BPTF: variants seen among roughly 807,000 people sequenced by gnomAD.
BPTF encodes bromodomain PHD finger transcription factor.
In BPTF, 18 loss-of-function variants were observed where a neutral mutation model predicts 292.5. The observed-to-expected ratio is 0.06, with a 90% CI of 0.04 to 0.09. The LOEUF is 0.09. Among genes scored for constraint, BPTF ranks in the 10% least tolerant of loss-of-function variants. The pLI, the probability that BPTF is intolerant of heterozygous loss-of-function variation, is 1.00. For missense variants in BPTF, 2,726 were observed against 3,498.7 expected (o/e 0.78, Z 5.57); for synonymous variants, 1,225 against 1,251.9 (o/e 0.98, Z 0.45).
Position 67,912,327 on chromosome 17 carries a change from C to G in BPTF, c.4443C>G (p.Ser1481=). The G allele has an allele frequency of 1.9e-6, 3 of 1,613,682 alleles. No homozygotes were observed. The highest frequency in any genetic ancestry group is 2.5e-6 in the Non-Finnish European group (3 of 1,179,844). The change falls in exon 11 of 28, where the codon TCC becomes TCG. Residue 1481 remains serine, a synonymous_variant. Transcript: ENST00000306378. ...IMEDFNERNS[S]ETKSHLLSSS... is the part of the protein sequence containing the mutation. ...AAGATTTTAATGAAAGAAACAGCTC[C>G]GAAACAAAATCGCATTTGCTGAGTT...
chr17:67,918,050 CG>C, intron 11 of BPTF, among the ~76,000 whole-genome samples: 1 of 152,002 alleles, frequency 6.6e-6, no homozygotes, highest in South Asian at 2.1e-4. Flanking sequence ...CTGCCCACCT[CG>C]GCCTCCCAAA....
intron 26 of BPTF, 61 bp from the exon 27 acceptor site, chr17:67,975,711 G>A: frequency 6.9e-7 from 1 of 1,455,330 alleles, no homozygotes; most frequent in African/African-American, 1.4e-5. Flanking sequence ...GAACTTCGGA[G>A]AATATTCACA....
In BPTF at chr17:67,893,481, C is replaced by T. The variant is rs2061257937; in HGVS notation, c.2167C>T (p.Arg723Cys). ...TAAATTGGGTCAAGAAGGGAAGTATCGCGTCTACCACAATCAATACTCCAC... is the reference window on the plus strand; with the variant it reads ...TAAATTGGGTCAAGAAGGGAAGTATTGCGTCTACCACAATCAATACTCCAC... ...YFKLGQEGKY[R>C]VYHNQYSTNS... The change falls in exon 6 of 28, where the codon CGC (arginine) becomes TGC (cysteine). Residue 723 changes from arginine to cysteine, a missense_variant. Physicochemically the swap from Arg to Cys is radical, Grantham distance 180. Around this residue, in one of 22 missense-constraint regions of BPTF, gnomAD observed 63 missense variants for 84.1 expected, o/e 0.75. Coordinates refer to ENST00000306378, the MANE Select transcript of BPTF (RefSeq NM_182641.4). The T allele has an allele frequency of 2.5e-6, 4 of 1,613,864 alleles. No homozygotes were observed. Among genetic ancestry groups the T allele is most frequent in the African/African-American group, 2.7e-5 (2 of 74,900 alleles).
chr17:67,923,625 G>T (rs1220715992), intron 14 of BPTF, among the ~76,000 whole-genome samples: 1 of 150,682 alleles, frequency 6.6e-6, no homozygotes, highest in South Asian at 2.1e-4. Context: ...GATTACGGGG[G>T]TGTGCCACCA....
chr17:67,980,979 G>A (rs1215048058), intron 27 of BPTF, among the ~76,000 whole-genome samples: 3 of 152,156 alleles, frequency 2.0e-5, no homozygotes, highest in Admixed American at 6.5e-5. Flanking sequence ...GCAACATGGG[G>A]AAACCCCATC....
chr17:67,924,374 C>G (rs1035057480), intron 14 of BPTF, among the ~76,000 whole-genome samples, 173 bp from the exon 15 acceptor site: 2 of 152,210 alleles, frequency 1.3e-5, no homozygotes, highest in African/African-American at 4.8e-5. Flanking sequence ...CTTGGCCTCC[C>G]ACAGTGCTGG....
intron 3 of BPTF, among the ~76,000 whole-genome samples, chr17:67,872,579 G>A (rs781768846): frequency 6.6e-5 from 10 of 151,956 alleles, no homozygotes; most frequent in Non-Finnish European, 1.3e-4. Flanking sequence ...GGTGGTATGC[G>A]CCTATAGTCT....
At position 67,975,966 on chromosome 17, in the gene BPTF, G is replaced by C; in HGVS notation, c.8726+8G>C. On this transcript the variant is annotated splice_region_variant and intron_variant, in intron 27 of 27. Coordinates refer to ENST00000306378, the MANE Select transcript of BPTF (RefSeq NM_182641.4). ...AGGCTTCAAAGCTAGCAGGTGAGCA[G>C]ATGGGTTCGGTATTCTGAATTAATT... 1 of 1,604,642 alleles carries C rather than the reference G, an allele frequency of 6.2e-7. No individual in the cohort carries two copies. The highest frequency in any genetic ancestry group is 8.5e-7 in the Non-Finnish European group (1 of 1,175,634).
chr17:67,932,648 C>T (rs547517258), intron 18 of BPTF, among the ~76,000 whole-genome samples: 2 of 152,228 alleles, frequency 1.3e-5, no homozygotes, highest in Middle Eastern at 6.8e-3. Context: ...TTGCAGTGAG[C>T]CAAGATCATG....
In BPTF at chr17:67,964,410, A is replaced by AC; in HGVS notation, c.8454+10dup. On this transcript the variant is annotated splice_region_variant and intron_variant, in intron 25 of 27. Transcript: ENST00000306378. ...GGGTGCTCCGTTCCTTACAGGTGAG[A>AC]CCCCTCTGTGTGCAGCATTTCAAAA... The AC allele has an allele frequency of 6.2e-7, 1 of 1,602,114 alleles. No individual in the cohort carries two copies. Among genetic ancestry groups the AC allele is most frequent in the Non-Finnish European group, 8.5e-7 (1 of 1,170,650 alleles).
At chr17:67,886,438 A>C (rs2060758396) in intron 4 of BPTF, 1 of 634,320 alleles carries the variant, frequency 1.6e-6, no homozygotes, top group Non-Finnish European at 2.5e-6. Flanking sequence ...TTTTTAAATG[A>C]AAGTTTGGTG....
intron 4 of BPTF, among the ~76,000 whole-genome samples, chr17:67,882,830 A>C (rs987467212): frequency 6.6e-6 from 1 of 151,252 alleles, no homozygotes; most frequent in Non-Finnish European, 1.5e-5. Flanking sequence ...AACATGGCAA[A>C]ATTCCTTTTC....
At chr17:67,976,984 TAAAAG>T (rs1196738663) in intron 27 of BPTF, among the ~76,000 whole-genome samples, 2 of 152,072 alleles carry the variant, frequency 1.3e-5, no homozygotes, top group African/African-American at 4.8e-5. Context: ...ATGCTAAGAA[TAAAAG>T]AAACTCTTAG....
intron 2 of BPTF, among the ~76,000 whole-genome samples, chr17:67,857,687 G>A (rs887632567): frequency 6.6e-6 from 1 of 150,782 alleles, no homozygotes. Context: ...GGCTGATCTC[G>A]AACTTGTGAG....
chr17:67,879,098 T>C (rs2060220975), intron 4 of BPTF, among the ~76,000 whole-genome samples: 1 of 151,776 alleles, frequency 6.6e-6, no homozygotes. Context: ...CATGAGTTGG[T>C]ACTAGAAGAG....
chr17:67,980,910 C>T (rs1555696384), intron 27 of BPTF, among the ~76,000 whole-genome samples: 1 of 152,206 alleles, frequency 6.6e-6, no homozygotes, highest in Non-Finnish European at 1.5e-5. Context: ...GTGATACCAA[C>T]ACTTTGAGAA....
At chr17:67,927,042 A>T (rs1286538561) in intron 15 of BPTF, among the ~76,000 whole-genome samples, 1 of 152,142 alleles carries the variant, frequency 6.6e-6, no homozygotes, top group Non-Finnish European at 1.5e-5. Flanking sequence ...GGTATATAGG[A>T]TAGGTACAAA....
rs2066448089 is a variant in BPTF at position 67,952,277 on chromosome 17, T to C, written c.7926+3971T>C. Among the ~76,000 whole-genome samples the C allele has an allele frequency of 3.3e-5, 5 of 150,510 alleles. No homozygotes were observed. The South Asian group carries it at 1.0e-3, about 32-fold the overall frequency. ...TTTTTTTAATAGGCTTTTTTTTTTTTTTTTGGAAATGGAGTCTTGCTCTGT... is the reference window on the plus strand; with the variant it reads ...TTTTTTTAATAGGCTTTTTTTTTTTCTTTTGGAAATGGAGTCTTGCTCTGT... On this transcript the variant is annotated intron_variant, in intron 23 of 27. Transcript: ENST00000306378.
At chr17:67,903,619 T>G (rs2061994992) in intron 7 of BPTF, among the ~76,000 whole-genome samples, 170 bp from the exon 8 acceptor site, 1 of 152,246 alleles carries the variant, frequency 6.6e-6, no homozygotes, top group Admixed American at 6.5e-5. Context: ...ACTCTTTATC[T>G]TTTCTTGTTA....
Sources: allele counts gnomAD v4.1 joint callset (sites outside exome capture counted in the v4.1 genomes callset), GRCh38; gene constraint gnomAD v4.1.1; regional missense constraint gnomAD v4.1.1; transcripts MANE v1.5; gene names NCBI Gene and HGNC (gene_info 2026-07-23, HGNC 2026-07-21).